Variants in MAGI2 observed in about 807,000 individuals in gnomAD.
MAGI2 encodes membrane associated guanylate kinase, WW and PDZ domain containing 2.
A neutral mutation model predicts 133.3 loss-of-function variants in MAGI2; 35 were observed. That is an observed-to-expected ratio of 0.26 (90% CI 0.20 to 0.35). The LOEUF (loss-of-function observed/expected upper bound fraction) is 0.35, where lower values mean the gene tolerates loss of function less well. Ranked by LOEUF, MAGI2 falls within the 10% of genes least tolerant of loss-of-function variation. MAGI2 has a pLI of 1.00. For synonymous variants in MAGI2, 729 were observed against 710.6 expected, an observed-to-expected ratio of 1.03 and a Z score of -0.41; for missense variants, 1,636 against 1,863.4, an observed-to-expected ratio of 0.88 and a Z score of 2.25.
intron 1 of MAGI2, among the ~76,000 whole-genome samples, chr7:79,325,394 A>G (rs1027926335): frequency 6.6e-6 from 1 of 152,214 alleles, no homozygotes; most frequent in Non-Finnish European, 1.5e-5. Context: ...TGCCAGTCCT[A>G]GGAAACCAGC....
At chr7:79,335,177 T>C (rs754746092) in intron 1 of MAGI2, among the ~76,000 whole-genome samples, 2 of 152,124 alleles carry the variant, frequency 1.3e-5, no homozygotes, top group Admixed American at 6.6e-5. Context: ...TTTTACACAA[T>C]TGACAACATA....
chr7:78,498,331 T>C (rs1794312656), intron 5 of MAGI2, among the ~76,000 whole-genome samples: 1 of 152,184 alleles, frequency 6.6e-6, no homozygotes, highest in African/African-American at 2.4e-5. Context: ...TGCTCAACCA[T>C]GCTCCCTCCC....
intron 2 of MAGI2, among the ~76,000 whole-genome samples, chr7:78,828,950 G>C (rs1790899185): frequency 6.6e-6 from 1 of 151,952 alleles, no homozygotes; most frequent in Non-Finnish European, 1.5e-5. Context: ...TTCAAAAACT[G>C]TCTGTGCAAC....
Position 78,604,757 on chromosome 7 carries a change from G to A in MAGI2, c.538+22363C>T, listed in dbSNP as rs903984242. ...TATTTCTCTGTTTCAATATATTGTT[G>A]CTAATACCAATTGTTGTTTTACATG... On this transcript the variant is annotated intron_variant, in intron 3 of 21. Transcript: ENST00000354212. Among the ~76,000 whole-genome samples the A allele has an allele frequency of 2.0e-5, 3 of 152,292 alleles. No individual in the cohort carries two copies. The South Asian group carries it at 6.2e-4, about 32-fold the overall frequency.
At chr7:79,313,754 C>T (rs1171893884) in intron 1 of MAGI2, among the ~76,000 whole-genome samples, 1 of 151,436 alleles carries the variant, frequency 6.6e-6, no homozygotes, top group African/African-American at 2.4e-5. Flanking sequence ...CTTTGTTCTA[C>T]TCATTGTGCT....
At chr7:79,247,121 C>T (rs1323964925) in intron 1 of MAGI2, among the ~76,000 whole-genome samples, 1 of 152,004 alleles carries the variant, frequency 6.6e-6, no homozygotes, top group East Asian at 1.9e-4. Flanking sequence ...TTCATCAATA[C>T]CAGATCTGTC....
At chr7:78,509,595 C>T (rs1315223166) in intron 4 of MAGI2, among the ~76,000 whole-genome samples, 1 of 152,142 alleles carries the variant, frequency 6.6e-6, no homozygotes, top group African/African-American at 2.4e-5. Context: ...TTTGATATTA[C>T]AAAAATATGC....
intron 21 of MAGI2, among the ~76,000 whole-genome samples, chr7:78,069,593 A>T (rs570907727): frequency 1.3e-5 from 2 of 150,636 alleles, no homozygotes; most frequent in South Asian, 4.2e-4. Context: ...CCTCTTAAAG[A>T]AGTGTTAATT....
chr7:78,066,344 C>A (rs1813820122), intron 21 of MAGI2, among the ~76,000 whole-genome samples: 1 of 151,944 alleles, frequency 6.6e-6, no homozygotes, highest in Non-Finnish European at 1.5e-5. Flanking sequence ...CGCCTGTAGT[C>A]CCATCTACTT....
At chr7:78,574,865 T>C (rs1206274032) in intron 3 of MAGI2, among the ~76,000 whole-genome samples, 3 of 152,210 alleles carry the variant, frequency 2.0e-5, no homozygotes, top group Admixed American at 6.5e-5. Context: ...ATGCAGTGAA[T>C]AGTTATCATC....
chr7:78,927,970 T>A (rs943794379), intron 2 of MAGI2, among the ~76,000 whole-genome samples: 3 of 151,918 alleles, frequency 2.0e-5, no homozygotes, highest in Non-Finnish European at 4.4e-5. Context: ...ATACTGAAAT[T>A]GTAAATTTTT....
intron 1 of MAGI2, among the ~76,000 whole-genome samples, chr7:79,404,054 A>G (rs899721158): frequency 6.6e-6 from 1 of 152,178 alleles, no homozygotes; most frequent in African/African-American, 2.4e-5. Context: ...TAATGTTTAC[A>G]TAAAGAACTA....
intron 1 of MAGI2, among the ~76,000 whole-genome samples, chr7:79,082,312 T>A (rs1003231695): frequency 3.9e-5 from 6 of 152,088 alleles, no homozygotes; most frequent in African/African-American, 1.4e-4. Context: ...GTCATAAAGA[T>A]TTACACCTAT....
chr7:79,049,209 T>C (rs1812456643), intron 1 of MAGI2, among the ~76,000 whole-genome samples: 1 of 152,208 alleles, frequency 6.6e-6, no homozygotes, highest in Non-Finnish European at 1.5e-5. Context: ...CAATGAACAT[T>C]AAATACTTAG....
At chr7:79,399,288 T>C (rs1845303662) in intron 1 of MAGI2, among the ~76,000 whole-genome samples, 1 of 151,838 alleles carries the variant, frequency 6.6e-6, no homozygotes, top group South Asian at 2.1e-4. Flanking sequence ...GAGATGTGGT[T>C]TCATCATGTT....
At chr7:79,126,957 C>T (rs972978965) in intron 1 of MAGI2, among the ~76,000 whole-genome samples, 1 of 151,288 alleles carries the variant, frequency 6.6e-6, no homozygotes, top group Admixed American at 6.6e-5. Flanking sequence ...CTCCTCCCCC[C>T]ACCCCACAAC....
At chr7:78,938,604 A>G (rs1456752581) in intron 2 of MAGI2, among the ~76,000 whole-genome samples, 3 of 152,152 alleles carry the variant, frequency 2.0e-5, no homozygotes, top group Non-Finnish European at 2.9e-5. Flanking sequence ...AGACCAAGCT[A>G]TTAGTACTAA....
At chr7:78,894,575 T>C (rs1797054841) in intron 2 of MAGI2, among the ~76,000 whole-genome samples, 1 of 152,146 alleles carries the variant, frequency 6.6e-6, no homozygotes, top group South Asian at 2.1e-4. Flanking sequence ...ACACAATTTA[T>C]AAGAAACTCA....
intron 1 of MAGI2, among the ~76,000 whole-genome samples, chr7:79,227,379 G>C (rs149305212): frequency 6.6e-6 from 1 of 152,160 alleles, no homozygotes; most frequent in African/African-American, 2.4e-5. Flanking sequence ...GACATTTAAT[G>C]GTACAATACA....
Sources: gnomAD v4.1 joint callset for allele counts (sites outside exome capture counted in the v4.1 genomes callset) on GRCh38, gnomAD v4.1.1 for gene constraint, MANE v1.5 for transcripts, NCBI Gene and HGNC (gene_info 2026-07-23, HGNC 2026-07-21) for gene names.